The following GRIN2C variants were observed in gnomAD, a reference collection of about 807,000 sequenced individuals.
The protein encoded by GRIN2C is glutamate receptor ionotropic, NMDA 2C.
In GRIN2C, 64 loss-of-function variants were observed where a neutral mutation model predicts 77.7. The observed-to-expected ratio is 0.82, with a 90% CI of 0.67 to 1.01. The LOEUF (loss-of-function observed/expected upper bound fraction) is 1.01, where lower values mean the gene tolerates loss of function less well. Ranked by LOEUF, GRIN2C falls within the 50% of genes least tolerant of loss-of-function variation. GRIN2C has a pLI of 0.00. For missense variants in GRIN2C, 1,549 were observed against 1,486.0 expected, an observed-to-expected ratio of 1.04 and a Z score of -0.70; for synonymous variants, 792 against 643.4, an observed-to-expected ratio of 1.23 and a Z score of -3.49.
rs2037389781 is a variant in GRIN2C, at chr17:74,844,286, G to C, written c.2573C>G (p.Ala858Gly). 1 of 1,613,886 alleles carries C rather than the reference G, an allele frequency of 6.2e-7. No homozygotes were observed. The highest frequency in any genetic ancestry group is 1.3e-5 in the African/African-American group (1 of 75,048). ...GGGGTGGGCACCCACCCTGCTGAAA[G>C]CCAGCAGGAAGTCCAGCTGGGATGA... ...PNSSQLDFLL[A>G]FSRGIYSCFS... is the part of the protein sequence containing the mutation. Residue 858 changes from alanine to glycine, a missense_variant, in exon 12 of 13, where the codon GCT becomes GGT. Coordinates refer to ENST00000293190, the MANE Select transcript of GRIN2C (RefSeq NM_000835.6).
rs1046682521 is a variant in GRIN2C at position 74,856,479 on chromosome 17, C to T, written c.-15-1372G>A. Among the ~76,000 whole-genome samples, 73 of 77,928 alleles carry T rather than the reference C, an allele frequency of 9.4e-4. 1 individual carries two copies. Among genetic ancestry groups the T allele is most frequent in the African/African-American group, 2.9e-3 (64 of 22,204 alleles). 51.1% of individuals were successfully genotyped at this position (77,928 alleles called of 152,430 possible). ...TGCCTGCCACCAAATTTCTCTCTCT[C>T]TCTTTTTTTTTTTTTTTGAGACAGA... On this transcript the variant is annotated intron_variant, in intron 1 of 12. Coordinates refer to ENST00000293190, the MANE Select transcript of GRIN2C (RefSeq NM_000835.6).
In GRIN2C at chr17:74,852,545, CCTTGAA is replaced by C. The variant is rs1425697762; in HGVS notation, c.460_465del (p.Phe154_Lys155del). The stretch of plus-strand genomic sequence containing the variant: ...GCGCTCCAGTCGTACTCTTCCAGCA[CCTTGAA>C]CAGCACCTGCAGCTGCTGCTCCAGG... On this transcript the variant is annotated inframe_deletion, in exon 3 of 13. Coordinates refer to ENST00000293190, the MANE Select transcript of GRIN2C (RefSeq NM_000835.6). 1 of 1,541,502 alleles carries C rather than the reference CCTTGAA, an allele frequency of 6.5e-7. No individual in the cohort carries two copies. Among genetic ancestry groups the C allele is most frequent in the African/African-American group, 1.4e-5 (1 of 70,146 alleles).
Position 74,846,893 on chromosome 17 carries a change from G to A in GRIN2C, c.2029C>T (p.Pro677Ser), listed in dbSNP as rs369304620. ...TTGGGCACCGTGCCGAAGCGGAAAG[G>A]TGGGTACTGATCTTGAGGCCGCTGA... Reference protein sequence around the residue: ...KFQRPQDQYPPFRFGTVPNGS... With the variant: ...KFQRPQDQYPSFRFGTVPNGS... Residue 677 changes from proline (P) to serine (S), a missense_variant, in exon 10 of 13, where the codon CCT becomes TCT. Around this residue, in one of 3 missense-constraint regions of GRIN2C, gnomAD observed 717 missense variants for 858.1 expected, o/e 0.84. Coordinates refer to ENST00000293190, the MANE Select transcript of GRIN2C (RefSeq NM_000835.6). The surrounding 1 kb of genome is among the most constrained non-coding windows in gnomAD (Gnocchi z 4.4). 4.5e-5 allele frequency: 72 copies of A among 1,613,638 alleles called. 1 individual carries two copies. The South Asian group carries it at 5.2e-4, about 12-fold the overall frequency.
chr17:74,854,817 G>A lies in GRIN2C; in HGVS notation c.276C>T (p.Gly92=), dbSNP rs966537096. ...CGLLGAAHVH[G]IVFEDNVDTE... ...TGTCCACGTTGTCCTCAAAGACAAT[G>A]CCGTGGACGTGGGCAGCACCCAGGA... The change falls in exon 2 of 13, where the codon GGC becomes GGT. Residue 92 remains glycine (G), a synonymous_variant. Coordinates refer to ENST00000293190, the MANE Select transcript of GRIN2C (RefSeq NM_000835.6). 1.1e-5 allele frequency: 18 copies of A among 1,613,828 alleles called. No individual in the cohort carries two copies. The highest frequency in any genetic ancestry group is 1.4e-5 in the Non-Finnish European group (17 of 1,179,726).
chr17:74,858,087 A>T (rs1402294053), intron 1 of GRIN2C, among the ~76,000 whole-genome samples: 2 of 152,096 alleles, frequency 1.3e-5, no homozygotes, highest in African/African-American at 4.8e-5. Flanking sequence ...GGGGCAGAAT[A>T]AGCAGTCTGC....
Position 74,842,729 on chromosome 17 carries a change from C to G in GRIN2C, c.3408G>C (p.Glu1136Asp), listed in dbSNP as rs1483666819. 1.4e-6 allele frequency: 1 copy of G among 705,988 alleles called. No homozygotes were observed. Among genetic ancestry groups the G allele is most frequent in the African/African-American group, 1.8e-5 (1 of 57,066 alleles). The allele number at this position is 705,988 out of a possible 1,614,324, so 43.7% of individuals were successfully genotyped here. ...GCTGCCAGGCGGGGGCCCCTGCCTG[C>G]TCGCCCTCCTGGCAGGCCTCCCGGT... is the stretch of plus-strand genomic sequence containing the variant. The part of the protein sequence containing the change: ...PIYREACQEG[E>D]QAGAPAWQHR... The change falls in exon 13 of 13, where the codon GAG (glutamate) becomes GAC (aspartate). Residue 1136 changes from glutamate (E) to aspartate (D), a missense_variant. Glu to Asp is a conservative substitution (Grantham distance 45). Coordinates refer to ENST00000293190, the MANE Select transcript of GRIN2C (RefSeq NM_000835.6).
Position 74,846,445 on chromosome 17 carries a change from G to T in GRIN2C, c.2163-192C>A, listed in dbSNP as rs1031403519. ...CCCCTCCCACCCTCCTCTGCAGAGT[G>T]GCCAGGGGACTGTCTGTTCCCAGAA... On this transcript the variant is annotated intron_variant, in intron 10 of 12. Transcript: ENST00000293190. The surrounding 1 kb of genome is among the most constrained non-coding windows in gnomAD (Gnocchi z 4.4). Among the ~76,000 whole-genome samples, 2 of 152,200 alleles carry T rather than the reference G, an allele frequency of 1.3e-5. No homozygotes were observed. Among genetic ancestry groups the T allele is most frequent in the Non-Finnish European group, 2.9e-5 (2 of 68,040 alleles).
In GRIN2C at chr17:74,850,235, G is replaced by A. The variant is rs186790306; in HGVS notation, c.1462C>T (p.Arg488Cys). ...VTNGKHGKRVRGVWNGMIGEV... is the reference protein window; with the variant it reads ...VTNGKHGKRVCGVWNGMIGEV... ...CCAATCATGCCGTTCCATACGCCGC[G>A]CACCCGCTTGCCATGCTTGCCGTTG... Residue 488 changes from arginine (R) to cysteine (C), a missense_variant, in exon 6 of 13, where the codon CGC becomes TGC. Physicochemically the swap from Arg to Cys is radical, Grantham distance 180. Around this residue, in one of 3 missense-constraint regions of GRIN2C, gnomAD observed 717 missense variants for 858.1 expected, o/e 0.84. Transcript: ENST00000293190. The surrounding 1 kb of genome is among the most constrained non-coding windows in gnomAD (Gnocchi z 5.3). 17 of 1,613,504 alleles carry A rather than the reference G, an allele frequency of 1.1e-5. No homozygotes were observed. The highest frequency in any genetic ancestry group is 1.6e-4 in the Middle Eastern group (1 of 6,084).
chr17:74,851,039 G>A (rs143034203), intron 4 of GRIN2C: 11 of 535,384 alleles, frequency 2.1e-5, no homozygotes, highest in Non-Finnish European at 3.7e-5. Flanking sequence ...CCTTAGCTGA[G>A]CACTCAAGGC....
At position 74,852,047 on chromosome 17, in the gene GRIN2C, C is replaced by T; in HGVS notation, c.964G>A (p.Gly322Arg). 1 of 1,464,888 alleles carries T rather than the reference C, an allele frequency of 6.8e-7. No individual in the cohort carries two copies. The highest frequency in any genetic ancestry group is 1.4e-5 in the African/African-American group (1 of 68,968). The allele number at this position is 1,464,888 out of a possible 1,614,324, so 90.7% of individuals were successfully genotyped here. ...GCCTCCCGGGCAGGGCTGACGGGCC[C>T]AGGGTGAACACGGCAGTCCCCGGCC... ...APAGDCRVHP[G>R]PVSPAREAFY... The change falls in exon 3 of 13, where the codon GGG becomes AGG. Residue 322 changes from glycine to arginine, a missense_variant. By Grantham distance (125) the Gly-to-Arg change is moderately radical. Coordinates refer to ENST00000293190, the MANE Select transcript of GRIN2C (RefSeq NM_000835.6).
In GRIN2C at chr17:74,849,655, G is replaced by T; in HGVS notation, c.1645+125C>A. 1 of 852,736 alleles carries T rather than the reference G, an allele frequency of 1.2e-6. No homozygotes were observed. Among genetic ancestry groups the T allele is most frequent in the Non-Finnish European group, 1.8e-6 (1 of 551,132 alleles). The allele number at this position is 852,736 out of a possible 1,614,324, so 52.8% of individuals were successfully genotyped here. Reference sequence around the variant, plus strand: ...CCACTCACCTCCAGCCAACCTCCAAGACCCAAGGCTGCTGTGCTTGGCCTG... The same window carrying T: ...CCACTCACCTCCAGCCAACCTCCAATACCCAAGGCTGCTGTGCTTGGCCTG... On this transcript the variant is annotated intron_variant, in intron 7 of 12. Coordinates refer to ENST00000293190, the MANE Select transcript of GRIN2C (RefSeq NM_000835.6). This position sits in a 1 kb window ranked among gnomAD's most constrained non-coding sequence, Gnocchi z 4.6.
rs374610814 is a variant in GRIN2C, at chr17:74,851,703, G to C, written c.999-12C>G. ...CATTCAGTAGGTGCCTGCCAGAGGG[G>C]AGAGATGCCTGCAGCCCTGCCAAGG... is the stretch of plus-strand genomic sequence containing the variant. On this transcript the variant is annotated splice_polypyrimidine_tract_variant and intron_variant, in intron 3 of 12. Transcript: ENST00000293190. The C allele has an allele frequency of 6.7e-7, 1 of 1,489,180 alleles. No individual in the cohort carries two copies. The highest frequency in any genetic ancestry group is 9.2e-7 in the Non-Finnish European group (1 of 1,089,594). 92.2% of individuals were successfully genotyped at this position (1,489,180 alleles called of 1,614,324 possible). A position where few individuals can be genotyped will look rare whatever the true frequency, so the allele number is the denominator to read the frequency against.
In GRIN2C at chr17:74,850,747, G is replaced by A. The variant is rs777981230; in HGVS notation, c.1134C>T (p.Gly378=). 2.3e-5 allele frequency: 37 copies of A among 1,612,572 alleles called. No homozygotes were observed. The highest frequency in any genetic ancestry group is 3.3e-5 in the South Asian group (3 of 91,036). ...LWEMVGRWEH[G]VLYMKYPVWP... ...ACACGGGGTACTTCATGTATAGGACGCCATGCTCCCAGCGCCCCACCTGTG... is the reference window on the plus strand; with the variant it reads ...ACACGGGGTACTTCATGTATAGGACACCATGCTCCCAGCGCCCCACCTGTG... The change falls in exon 5 of 13, where the codon GGC becomes GGT. Residue 378 remains glycine, a synonymous_variant. Transcript: ENST00000293190. This position sits in a 1 kb window ranked among gnomAD's most constrained non-coding sequence, Gnocchi z 5.3.
chr17:74,843,588 G>A (rs766417915), intron 12 of GRIN2C, 35 bp from the exon 13 acceptor site: 4 of 1,526,112 alleles, frequency 2.6e-6, no homozygotes, highest in South Asian at 1.2e-5. Context: ...CGTAAGCAGC[G>A]CCCTCCGCTC....
rs1387935487 is a variant in GRIN2C at position 74,852,151 on chromosome 17, T to G, written c.860A>C (p.Gln287Pro). Residue 287 changes from glutamine to proline, a missense_variant, in exon 3 of 13, where the codon CAG becomes CCG. By Grantham distance (76) the Gln-to-Pro change is moderately conservative. Around this residue, in one of 3 missense-constraint regions of GRIN2C, gnomAD observed 717 missense variants for 858.1 expected, o/e 0.84. Transcript: ENST00000293190. ...VTESWRLSLR[Q>P]KVRDGVAILA... Reference sequence around the variant, plus strand: ...AATGGCCACGCCGTCGCGCACCTTCTGGCGCAGGCTGAGGCGCCAGCTCTC... The same window carrying G: ...AATGGCCACGCCGTCGCGCACCTTCGGGCGCAGGCTGAGGCGCCAGCTCTC... The G allele has an allele frequency of 6.9e-7, 1 of 1,449,818 alleles. No individual in the cohort carries two copies. Among genetic ancestry groups the G allele is most frequent in the Non-Finnish European group, 9.1e-7 (1 of 1,102,744 alleles). The allele number at this position is 1,449,818 out of a possible 1,614,324, so 89.8% of individuals were successfully genotyped here.
chr17:74,848,592 C>T (rs1421425670), intron 7 of GRIN2C, among the ~76,000 whole-genome samples: 7 of 152,124 alleles, frequency 4.6e-5, no homozygotes, highest in Non-Finnish European at 1.0e-4. Flanking sequence ...CCCAGCTACT[C>T]AGGAGCCTGA....
chr17:74,844,564 C>T, intron 11 of GRIN2C, 56 bp from the exon 12 acceptor site: 1 of 1,577,204 alleles, frequency 6.3e-7, no homozygotes, highest in Admixed American at 1.7e-5. Context: ...AAGCAACCCC[C>T]TCACAAAGCT....
chr17:74,844,445 A>AC lies in GRIN2C; in HGVS notation c.2413dup (p.Val805GlyfsTer474). The AC allele has an allele frequency of 1.2e-6, 2 of 1,614,140 alleles. No individual in the cohort carries two copies. Among genetic ancestry groups the AC allele is most frequent in the Non-Finnish European group, 1.7e-6 (2 of 1,180,028 alleles). ...GTCGATGTCCAGCTTGCTGCTCATCACCTCGTTCTTCTCATTCTGGCAGAT... is the reference window on the plus strand; with the variant it reads ...GTCGATGTCCAGCTTGCTGCTCATCACCCTCGTTCTTCTCATTCTGGCAGAT... On this transcript the variant is annotated frameshift_variant, in exon 12 of 13. Transcript: ENST00000293190. LOFTEE classifies it high-confidence loss of function.
In GRIN2C at chr17:74,842,234, A is replaced by C. The variant is rs139372736; in HGVS notation, c.*201T>G. On this transcript the variant is annotated 3_prime_UTR_variant, in exon 13 of 13. Coordinates refer to ENST00000293190, the MANE Select transcript of GRIN2C (RefSeq NM_000835.6). ...CCTCCTGGCAGAACTCTGCGTGAGA[A>C]GAGGACAGCAAAAGCCCAGCCCTCA... 2.1e-4 allele frequency: 109 copies of C among 524,584 alleles called. 1 individual carries two copies. In the East Asian group the frequency reaches 3.5e-3, roughly 17 times the overall value. 32.5% of individuals were successfully genotyped at this position (524,584 alleles called of 1,614,324 possible). A position where few individuals can be genotyped will look rare whatever the true frequency, so the allele number is the denominator to read the frequency against.
Sources: allele counts gnomAD v4.1 joint callset (sites outside exome capture counted in the v4.1 genomes callset), GRCh38; gene constraint gnomAD v4.1.1; regional missense constraint gnomAD v4.1.1; non-coding constraint Gnocchi (gnomAD v3.1); transcripts MANE v1.5; gene names NCBI Gene and HGNC (gene_info 2026-07-23, HGNC 2026-07-21).